The following NR6A1 variants were observed in gnomAD, a reference collection of about 807,000 sequenced individuals.
NR6A1 encodes nuclear receptor subfamily 6 group A member 1, also known as retinoic acid receptor-related testis-associated receptor.
NR6A1 carries 7 observed loss-of-function variants against 59.1 expected under a neutral mutation model. The ratio of observed to expected loss-of-function variants is 0.12; its 90% CI spans 0.07 to 0.22. NR6A1 has a LOEUF of 0.22. Ranked by LOEUF, NR6A1 falls within the 10% of genes least tolerant of loss-of-function variation. The probability of loss-of-function intolerance (pLI) is 1.00; values close to 1 mark genes in which losing one functional copy is unlikely to be tolerated. For synonymous variants in NR6A1, 243 were observed against 236.1 expected (o/e 1.03, Z -0.27); for missense variants, 468 against 611.6 (o/e 0.77, Z 2.48).
chr9:124,637,784 C>G (rs1280392199), intron 2 of NR6A1, among the ~76,000 whole-genome samples: 2 of 149,292 alleles, frequency 1.3e-5, no homozygotes, highest in Non-Finnish European at 3.0e-5. Flanking sequence ...CCCAGCTACT[C>G]AGGAGGCTGA....
At chr9:124,625,725 G>C (rs778563516) in intron 2 of NR6A1, among the ~76,000 whole-genome samples, 3 of 152,080 alleles carry the variant, frequency 2.0e-5, no homozygotes, top group Non-Finnish European at 4.4e-5. Flanking sequence ...GTCTGGGGGG[G>C]GCTATTTTTG....
intron 2 of NR6A1, among the ~76,000 whole-genome samples, chr9:124,613,262 A>G (rs1336492283): frequency 2.0e-5 from 3 of 152,120 alleles, no homozygotes; most frequent in African/African-American, 7.2e-5. Flanking sequence ...TTAAGCCCAG[A>G]AGTTTGATGC....
At chr9:124,730,968 C>G (rs1050358901) in intron 2 of NR6A1, among the ~76,000 whole-genome samples, 1 of 152,186 alleles carries the variant, frequency 6.6e-6, no homozygotes, top group Non-Finnish European at 1.5e-5. Flanking sequence ...AGAGAGAACA[C>G]TCAGTGCTTA....
At chr9:124,666,859 T>C (rs1837635783) in intron 2 of NR6A1, among the ~76,000 whole-genome samples, 1 of 152,058 alleles carries the variant, frequency 6.6e-6, no homozygotes, top group Admixed American at 6.6e-5. Flanking sequence ...TTGTGAAATG[T>C]GCCTCTCTGA....
intron 2 of NR6A1, among the ~76,000 whole-genome samples, chr9:124,684,797 G>A (rs1175959259): frequency 3.9e-5 from 6 of 152,024 alleles, no homozygotes; most frequent in South Asian, 2.1e-4. Flanking sequence ...TACCATGGAC[G>A]GATTTTAACC....
intron 2 of NR6A1, among the ~76,000 whole-genome samples, chr9:124,577,538 C>T (rs533722919): frequency 1.3e-5 from 2 of 152,294 alleles, no homozygotes; most frequent in South Asian, 4.1e-4. Flanking sequence ...GGGGACTTTA[C>T]AAATAAACTA....
At chr9:124,736,870 T>C (rs372479426) in intron 1 of NR6A1, among the ~76,000 whole-genome samples, 2 of 152,026 alleles carry the variant, frequency 1.3e-5, no homozygotes, top group African/African-American at 2.4e-5. Context: ...AATGACACAG[T>C]GAATATAAAG....
chr9:124,748,583 G>A (rs183461626), intron 1 of NR6A1, among the ~76,000 whole-genome samples: 10 of 152,224 alleles, frequency 6.6e-5, no homozygotes, highest in East Asian at 5.8e-4. Flanking sequence ...AACTTAAGCC[G>A]GGCGCAGTGG....
chr9:124,522,549 A>T lies in NR6A1; in HGVS notation c.*156T>A. ...TAAATATATAGAAAAATGAGGTTAAAAAAACAGACAAACAAACAAAAACTC... is the reference window on the plus strand; with the variant it reads ...TAAATATATAGAAAAATGAGGTTAATAAAACAGACAAACAAACAAAAACTC... On this transcript the variant is annotated 3_prime_UTR_variant, in exon 10 of 10. Transcript: ENST00000487099. 1.9e-6 allele frequency: 1 copy of T among 522,412 alleles called. No individual in the cohort carries two copies. The highest frequency in any genetic ancestry group is 3.4e-6 in the Non-Finnish European group (1 of 290,758). 32.4% of individuals were successfully genotyped at this position (522,412 alleles called of 1,614,324 possible).
intron 2 of NR6A1, among the ~76,000 whole-genome samples, chr9:124,596,407 TAA>T (rs1253532832): frequency 1.2e-4 from 19 of 152,312 alleles, no homozygotes; most frequent in Admixed American, 1.1e-3. Context: ...TACACAGAGC[TAA>T]GAGTTGTTTG....
At chr9:124,597,002 T>C (rs779250430) in intron 2 of NR6A1, among the ~76,000 whole-genome samples, 4 of 152,228 alleles carry the variant, frequency 2.6e-5, no homozygotes, top group Non-Finnish European at 5.9e-5. Flanking sequence ...ATGCACACTT[T>C]ACAGCTGTAT....
intron 1 of NR6A1, among the ~76,000 whole-genome samples, chr9:124,742,792 C>T (rs1291978580): frequency 1.3e-5 from 2 of 151,862 alleles, no homozygotes; most frequent in Non-Finnish European, 2.9e-5. Flanking sequence ...AGGAGAATCA[C>T]GTGAACCCGG....
intron 2 of NR6A1, among the ~76,000 whole-genome samples, chr9:124,556,162 T>C (rs547360220): frequency 6.4e-4 from 97 of 152,370 alleles, no homozygotes; most frequent in Non-Finnish European, 9.1e-4. Context: ...GTAGATGTGA[T>C]TGAATTAAGA....
intron 1 of NR6A1, among the ~76,000 whole-genome samples, chr9:124,753,652 T>C (rs542826501): frequency 6.6e-6 from 1 of 152,330 alleles, no homozygotes; most frequent in South Asian, 2.1e-4. Flanking sequence ...TTTAGCTCTG[T>C]GCCTAGTGCT....
chr9:124,679,032 T>C (rs1468374064), intron 2 of NR6A1, among the ~76,000 whole-genome samples: 1 of 152,160 alleles, frequency 6.6e-6, no homozygotes, highest in Non-Finnish European at 1.5e-5. Context: ...GCAAGACCCC[T>C]GTCTCTAAAA....
At chr9:124,603,000 C>G (rs1159861605) in intron 2 of NR6A1, among the ~76,000 whole-genome samples, 1 of 152,170 alleles carries the variant, frequency 6.6e-6, no homozygotes, top group African/African-American at 2.4e-5. Flanking sequence ...GTTTCCACTC[C>G]CACTTACTAA....
At chr9:124,704,928 G>A (rs1839080947) in intron 2 of NR6A1, among the ~76,000 whole-genome samples, 1 of 152,100 alleles carries the variant, frequency 6.6e-6, no homozygotes, top group South Asian at 2.1e-4. Flanking sequence ...TGGAGATAGG[G>A]TTTCACCATG....
chr9:124,600,562 G>A (rs1212627213), intron 2 of NR6A1, among the ~76,000 whole-genome samples: 1 of 152,172 alleles, frequency 6.6e-6, no homozygotes, highest in African/African-American at 2.4e-5. Flanking sequence ...CACTATGCTG[G>A]CTATGATGAC....
chr9:124,543,654 A>G (rs1833512249), intron 4 of NR6A1, 148 bp downstream of exon 4: 7 of 570,780 alleles, frequency 1.2e-5, no homozygotes, highest in Non-Finnish European at 2.2e-5. Context: ...GCACTTTCAC[A>G]TCCAGGATGT....
Sources: allele counts gnomAD v4.1 joint callset (sites outside exome capture counted in the v4.1 genomes callset), GRCh38; gene constraint gnomAD v4.1.1; transcripts MANE v1.5; gene names NCBI Gene and HGNC (gene_info 2026-07-23, HGNC 2026-07-21).